The following SEMA3D variants were observed in gnomAD, a reference collection of about 807,000 sequenced individuals.
SEMA3D encodes the protein semaphorin-3D.
A neutral mutation model predicts 100.1 loss-of-function variants in SEMA3D; 84 were observed. The ratio of observed to expected loss-of-function variants is 0.84; its 90% CI spans 0.70 to 1.01. SEMA3D has a LOEUF of 1.01. Ranked by LOEUF, SEMA3D falls within the 50% of genes least tolerant of loss-of-function variation. SEMA3D has a pLI of 0.00. For synonymous variants in SEMA3D, 312 were observed against 320.7 expected, an observed-to-expected ratio of 0.97 and a Z score of 0.29; for missense variants, 875 against 934.1, an observed-to-expected ratio of 0.94 and a Z score of 0.82.
chr7:85,168,623 T>A (rs1583985310), intron 1 of SEMA3D, among the ~76,000 whole-genome samples: 1 of 146,890 alleles, frequency 6.8e-6, no homozygotes. Context: ...TGCAATTTTT[T>A]TTTTTTTTTT....
chr7:85,081,452 T>A, intron 5 of SEMA3D, 65 bp downstream of exon 5: 1 of 1,032,592 alleles, frequency 9.7e-7, no homozygotes, highest in Admixed American at 1.7e-5. Flanking sequence ...TAAAGCCCAA[T>A]ATAAATATTT....
intron 1 of SEMA3D, among the ~76,000 whole-genome samples, chr7:85,172,809 C>A (rs1465689857): frequency 6.6e-6 from 1 of 152,188 alleles, no homozygotes; most frequent in East Asian, 1.9e-4. Context: ...GGGCATGAGA[C>A]TGCACTATGG....
intron 1 of SEMA3D, among the ~76,000 whole-genome samples, chr7:85,157,432 T>A (rs1456382187): frequency 1.3e-5 from 2 of 152,184 alleles, no homozygotes. Flanking sequence ...CAATTTGGTA[T>A]GCTTAACCAG....
chr7:85,177,912 C>T (rs1275690647), intron 1 of SEMA3D, among the ~76,000 whole-genome samples: 2 of 152,184 alleles, frequency 1.3e-5, no homozygotes, highest in Non-Finnish European at 2.9e-5. Flanking sequence ...ATTGTAATAC[C>T]CATGCATTGT....
chr7:85,047,830 C>G (rs1189002780), intron 9 of SEMA3D, among the ~76,000 whole-genome samples: 1 of 151,748 alleles, frequency 6.6e-6, no homozygotes, highest in Non-Finnish European at 1.5e-5. Context: ...AAATTATTCT[C>G]TGCTTAAAAT....
At chr7:85,174,373 G>T (rs556258239) in intron 1 of SEMA3D, among the ~76,000 whole-genome samples, 23 of 152,216 alleles carry the variant, frequency 1.5e-4, no homozygotes, top group East Asian at 9.7e-4. Context: ...GGGAGCTGGA[G>T]TTAGGAGGGC....
intron 1 of SEMA3D, 124 bp downstream of exon 1, chr7:85,186,554 C>G (rs943210867): frequency 2.0e-5 from 3 of 152,440 alleles, no homozygotes; most frequent in African/African-American, 7.2e-5. Flanking sequence ...CCTTATCTCC[C>G]AAACCATGCT....
chr7:85,039,713 G>A (rs1025125520), intron 11 of SEMA3D, among the ~76,000 whole-genome samples: 5 of 152,122 alleles, frequency 3.3e-5, no homozygotes, highest in African/African-American at 1.2e-4. Flanking sequence ...TCCTCTTTGA[G>A]CAAGTGATGA....
intron 2 of SEMA3D, chr7:85,141,915 T>C (rs961812489): frequency 8.2e-6 from 8 of 979,514 alleles, no homozygotes; most frequent in Non-Finnish European, 9.7e-6. Context: ...TCAGTATTAA[T>C]TTATGATGTG....
rs553946980 is a variant in SEMA3D, at chr7:85,056,573, A to G, written c.719-714T>C. On this transcript the variant is annotated intron_variant, in intron 8 of 18. Transcript: ENST00000284136. Reference sequence around the variant, plus strand: ...ATATAAGCATTAAATTCCTTTTTATATGTGTATATATGCTATATATATAGC... The same window carrying G: ...ATATAAGCATTAAATTCCTTTTTATGTGTGTATATATGCTATATATATAGC... Among the ~76,000 whole-genome samples the G allele has an allele frequency of 2.7e-5, 4 of 150,500 alleles. No individual in the cohort carries two copies. The East Asian group carries it at 7.8e-4, about 29-fold the overall frequency.
chr7:85,127,711 G>T (rs999821916), intron 2 of SEMA3D, among the ~76,000 whole-genome samples: 2 of 152,034 alleles, frequency 1.3e-5, no homozygotes, highest in African/African-American at 4.8e-5. Flanking sequence ...AAATCAATTT[G>T]CTCTTCAAAG....
chr7:85,062,735 A>T (rs571710074), intron 8 of SEMA3D, among the ~76,000 whole-genome samples: 100 of 152,280 alleles, frequency 6.6e-4, no homozygotes, highest in Non-Finnish European at 1.2e-3. Flanking sequence ...ATAAAACAAT[A>T]ATCTTTTTTC....
chr7:85,154,323 A>G (rs1018951846), intron 1 of SEMA3D, among the ~76,000 whole-genome samples: 8 of 152,100 alleles, frequency 5.3e-5, no homozygotes, highest in African/African-American at 1.7e-4. Context: ...GTGGTTGACA[A>G]CATTTACCTT....
intron 4 of SEMA3D, among the ~76,000 whole-genome samples, chr7:85,084,580 T>TC (rs1562811128): frequency 6.6e-6 from 1 of 152,134 alleles, no homozygotes; most frequent in Non-Finnish European, 1.5e-5. Flanking sequence ...GTTTTTTTTT[T>TC]CAATAATATT....
chr7:85,207,614 A>T, the SEMA3D span, among the ~76,000 whole-genome samples: 1 of 152,066 alleles, frequency 6.6e-6, no homozygotes, highest in Non-Finnish European at 1.5e-5. Context: ...AAAATTTTAA[A>T]TGTCAATTAC....
chr7:85,105,166 T>A (rs1331171563), intron 3 of SEMA3D, among the ~76,000 whole-genome samples: 1 of 152,084 alleles, frequency 6.6e-6, no homozygotes, highest in Non-Finnish European at 1.5e-5. Context: ...CCTTTCAGCA[T>A]CCTTTCTATT....
intron 16 of SEMA3D, 75 bp from the exon 17 acceptor site, chr7:85,012,921 A>T: frequency 8.9e-7 from 1 of 1,119,718 alleles, no homozygotes; most frequent in East Asian, 2.4e-5. Context: ...ATCTAATACT[A>T]ATAACAGTGG....
At chr7:85,087,514 A>G (rs993857143) in intron 4 of SEMA3D, among the ~76,000 whole-genome samples, 1 of 152,320 alleles carries the variant, frequency 6.6e-6, no homozygotes, top group East Asian at 1.9e-4. Flanking sequence ...TTACTTATTC[A>G]GGGTATAGCT....
At chr7:85,117,940 G>T (rs1310943064) in intron 3 of SEMA3D, among the ~76,000 whole-genome samples, 1 of 151,506 alleles carries the variant, frequency 6.6e-6, no homozygotes, top group Non-Finnish European at 1.5e-5. Context: ...AATAGAGCTT[G>T]TAAGAATTTA....
Sources: allele counts gnomAD v4.1 joint callset (sites outside exome capture counted in the v4.1 genomes callset), GRCh38; gene constraint gnomAD v4.1.1; transcripts MANE v1.5; gene names NCBI Gene and HGNC (gene_info 2026-07-23, HGNC 2026-07-21).